KMT2C: variants seen among roughly 807,000 people sequenced by gnomAD.
KMT2C encodes lysine methyltransferase 2C, also known as histone-lysine N-methyltransferase 2C.
Under a neutral mutation model 507.9 loss-of-function variants are expected in KMT2C, and 88 were observed. The ratio of observed to expected loss-of-function variants is 0.17; its 90% confidence interval spans 0.15 to 0.21. The LOEUF is 0.21. Among genes scored for constraint, KMT2C ranks in the 10% least tolerant of loss-of-function variants. The pLI, the probability that KMT2C is intolerant of heterozygous loss-of-function variation, is 1.00. For missense variants in KMT2C, 4,954 were observed against 5,957.8 expected (o/e 0.83, Z 5.55); for synonymous variants, 2,049 against 2,080.8 (o/e 0.98, Z 0.42).
intron 1 of KMT2C, among the ~76,000 whole-genome samples, chr7:152,415,431 A>C (rs570398181): frequency 1.8e-3 from 278 of 152,340 alleles, no homozygotes; most frequent in African/African-American, 6.5e-3. Flanking sequence ...ACTACACAAA[A>C]GATAATTACC....
At chr7:152,265,572 G>A (rs1396482291) in intron 7 of KMT2C, among the ~76,000 whole-genome samples, 1 of 152,126 alleles carries the variant, frequency 6.6e-6, no homozygotes, top group Non-Finnish European at 1.5e-5. Flanking sequence ...TACAAATTAA[G>A]AAATGCTTTG....
chr7:152,196,056 G>T, intron 27 of KMT2C, 45 bp from the exon 28 acceptor site: 1 of 1,179,284 alleles, frequency 8.5e-7, no homozygotes. Flanking sequence ...TATTTTCTCA[G>T]ATATTAAGCC....
chr7:152,201,840 T>G (rs1405083049), intron 26 of KMT2C, among the ~76,000 whole-genome samples: 4 of 152,086 alleles, frequency 2.6e-5, no homozygotes, highest in Non-Finnish European at 5.9e-5. Context: ...GAGGCACCAC[T>G]ATGTCACAAA....
At chr7:152,252,498 GAATAAAACAATC>G (rs2095577618) in intron 10 of KMT2C, 36 bp downstream of exon 10, 1 of 1,493,874 alleles carries the variant, frequency 6.7e-7, no homozygotes, top group South Asian at 1.2e-5. Context: ...ATGACCACAT[GAATAAAACAATC>G]GACAAAACAA....
chr7:152,145,094 G>T (rs1382099113), intron 54 of KMT2C, 59 bp downstream of exon 54: 7 of 1,570,432 alleles, frequency 4.5e-6, no homozygotes, highest in Non-Finnish European at 5.2e-6. Flanking sequence ...TCAAGCACAG[G>T]AAACCACTAA....
chr7:152,358,708 G>C (rs867602635), intron 1 of KMT2C, 33 bp from the exon 2 acceptor site: 4 of 1,335,598 alleles, frequency 3.0e-6, no homozygotes, highest in Middle Eastern at 1.9e-4. Flanking sequence ...TAAGTACATA[G>C]AGTTAAATGT....
intron 23 of KMT2C, among the ~76,000 whole-genome samples, 189 bp from the exon 24 acceptor site, chr7:152,207,617 G>C (rs548327637): frequency 1.3e-5 from 2 of 152,234 alleles, no homozygotes; most frequent in East Asian, 3.9e-4. Flanking sequence ...TTAGTGCAGT[G>C]TTCCCATGAA....
intron 1 of KMT2C, chr7:152,367,471 G>T: frequency 1.2e-6 from 1 of 800,994 alleles, no homozygotes; most frequent in East Asian, 2.4e-5. Flanking sequence ...ACCCACCTCG[G>T]CCTCCCAAAG....
intron 23 of KMT2C, among the ~76,000 whole-genome samples, chr7:152,211,692 A>C (rs1487906111): frequency 6.6e-6 from 1 of 152,248 alleles, no homozygotes. Flanking sequence ...ACTGTAGGCT[A>C]AAGTCTCTTC....
intron 5 of KMT2C, among the ~76,000 whole-genome samples, chr7:152,310,506 A>G (rs1008427074): frequency 5.3e-5 from 8 of 152,198 alleles, no homozygotes; most frequent in African/African-American, 1.9e-4. Flanking sequence ...CAGAGGTTGC[A>G]GTGAGCTGAG....
chr7:152,153,097 A>G, intron 48 of KMT2C, 143 bp from the exon 49 acceptor site: 1 of 1,100,734 alleles, frequency 9.1e-7, no homozygotes, highest in Non-Finnish European at 1.3e-6. Flanking sequence ...GACTTAAAGA[A>G]CCTCAGGAAA....
intron 9 of KMT2C, among the ~76,000 whole-genome samples, chr7:152,261,806 ATCAG>A (rs1219326241): frequency 6.6e-6 from 1 of 152,204 alleles, no homozygotes; most frequent in Non-Finnish European, 1.5e-5. Flanking sequence ...AAATATACAA[ATCAG>A]TCAAATAGCA....
intron 6 of KMT2C, among the ~76,000 whole-genome samples, chr7:152,284,518 A>C (rs1462959875): frequency 3.3e-5 from 5 of 152,156 alleles, no homozygotes; most frequent in Non-Finnish European, 7.4e-5. Flanking sequence ...TTTTTTAATA[A>C]AGCATAAACA....
chr7:152,350,694 A>G (rs2097103552), intron 2 of KMT2C, among the ~76,000 whole-genome samples: 1 of 152,364 alleles, frequency 6.6e-6, no homozygotes, highest in South Asian at 2.1e-4. Context: ...GTGAATGTAA[A>G]GGCCTCAAAC....
rs762198582 is a variant in KMT2C at position 152,181,148 on chromosome 7, T to C, written c.6712A>G (p.Met2238Val). 17 of 1,614,012 alleles carry C rather than the reference T, an allele frequency of 1.1e-5. No individual in the cohort carries two copies. Among genetic ancestry groups the C allele is most frequent in the East Asian group, 4.5e-5 (2 of 44,882 alleles). ...TTTGGCATGAGGACTGGTCTTGTCA[T>C]TGAGGACCTAGTAAAACCCTCTGAA... is the stretch of plus-strand genomic sequence containing the variant. ...RISEGFTRSS[M>V]TRPVLMPNQD... Residue 2238 changes from methionine to valine, a missense_variant, in exon 36 of 59, where the codon ATG becomes GTG. Met to Val is a conservative substitution (Grantham distance 21). This residue lies in a region of KMT2C where 1,689 missense variants were observed against 1,654.3 expected (regional missense o/e 1.02). Coordinates refer to ENST00000262189, the MANE Select transcript of KMT2C (RefSeq NM_170606.3).
rs1412751646 is a variant in KMT2C, at chr7:152,414,861, T to TC, written c.161+20764dup. Among the ~76,000 whole-genome samples, 3 of 152,210 alleles carry TC rather than the reference T, an allele frequency of 2.0e-5. No homozygotes were observed. The East Asian group carries it at 5.8e-4, about 29-fold the overall frequency. On this transcript the variant is annotated intron_variant, in intron 1 of 58. Coordinates refer to ENST00000262189, the MANE Select transcript of KMT2C (RefSeq NM_170606.3). ...TCAATACTTTCTTTCTTTTTTTTTT[T>TC]CTTTTTGAGACAGGGTCTTGCTCTG...
At position 152,203,099 on chromosome 7, in the gene KMT2C, T is replaced by C. The variant is rs367773680; in HGVS notation, c.3962-35A>G. 32 of 1,543,280 alleles carry C rather than the reference T, an allele frequency of 2.1e-5. No individual in the cohort carries two copies. The African/African-American group carries it at 3.9e-4, about 19-fold the overall frequency. ...CAGTCACATTTATAAATATGTGACA[T>C]TTAAAATTTCTAGACAAACCCACTG... On this transcript the variant is annotated intron_variant, in intron 25 of 58. Transcript: ENST00000262189.
chr7:152,148,003 A>G lies in KMT2C; in HGVS notation c.13894+30T>C. 1 of 1,533,054 alleles carries G rather than the reference A, an allele frequency of 6.5e-7. No individual in the cohort carries two copies. The highest frequency in any genetic ancestry group is 8.8e-7 in the Non-Finnish European group (1 of 1,138,870). 95.0% of individuals were successfully genotyped at this position (1,533,054 alleles called of 1,614,324 possible). ...TTAGCCTGACATCAGAGTAAGTAGC[A>G]CTGCACAGCATGTGAACGGCAGACG... On this transcript the variant is annotated intron_variant, in intron 52 of 58. Coordinates refer to ENST00000262189, the MANE Select transcript of KMT2C (RefSeq NM_170606.3). This position sits in a 1 kb window ranked among gnomAD's most constrained non-coding sequence, Gnocchi z 7.1.
chr7:152,165,411 T>C (rs921198656), intron 42 of KMT2C, among the ~76,000 whole-genome samples: 4 of 152,212 alleles, frequency 2.6e-5, no homozygotes, highest in African/African-American at 9.7e-5. Context: ...ATATGCCAGA[T>C]GGCAATGAAA....
Sources: gnomAD v4.1 joint callset for allele counts (sites outside exome capture counted in the v4.1 genomes callset) on GRCh38, gnomAD v4.1.1 for gene constraint, gnomAD v4.1.1 regional missense constraint, Gnocchi (gnomAD v3.1) non-coding constraint, MANE v1.5 for transcripts, NCBI Gene and HGNC (gene_info 2026-07-23, HGNC 2026-07-21) for gene names.